The following STAB2 variants were observed in gnomAD, a reference collection of about 807,000 sequenced individuals.
The protein encoded by STAB2 is stabilin-2.
Under a neutral mutation model 338.1 loss-of-function variants are expected in STAB2, and 288 were observed. That is an observed-to-expected ratio of 0.85 (90% CI 0.77 to 0.94). The LOEUF (loss-of-function observed/expected upper bound fraction) is 0.94, where lower values mean the gene tolerates loss of function less well. Among genes scored for constraint, STAB2 ranks in the 40% least tolerant of loss-of-function variants. The pLI is 0.00. For synonymous variants in STAB2, 1,202 were observed against 1,193.3 expected, an observed-to-expected ratio of 1.01 and a Z score of -0.15; for missense variants, 3,141 against 3,210.1, an observed-to-expected ratio of 0.98 and a Z score of 0.52.
chr12:103,748,203 C>A (rs762292492), intron 58 of STAB2, among the ~76,000 whole-genome samples: 2 of 152,144 alleles, frequency 1.3e-5, no homozygotes, highest in Non-Finnish European at 2.9e-5. Context: ...CAGCATTCAA[C>A]AATGGCAACA....
intron 31 of STAB2, among the ~76,000 whole-genome samples, chr12:103,694,841 G>C (rs1340928130): frequency 6.6e-6 from 1 of 152,094 alleles, no homozygotes; most frequent in Non-Finnish European, 1.5e-5. Context: ...ATTATGCAGA[G>C]CTTGCAAACT....
chr12:103,608,678 C>G (rs527795299), intron 3 of STAB2, among the ~76,000 whole-genome samples: 2 of 152,270 alleles, frequency 1.3e-5, no homozygotes, highest in East Asian at 1.9e-4. Flanking sequence ...TGTGCAGAAG[C>G]TCTTTAGTTT....
At chr12:103,709,952 C>T (rs1293678112) in intron 39 of STAB2, among the ~76,000 whole-genome samples, 2 of 152,164 alleles carry the variant, frequency 1.3e-5, no homozygotes, top group African/African-American at 4.8e-5. Flanking sequence ...AGGAACCTCC[C>T]TACTCAGCTT....
chr12:103,688,364 C>T, intron 28 of STAB2, 149 bp downstream of exon 28: 1 of 729,762 alleles, frequency 1.4e-6, no homozygotes, highest in Admixed American at 2.3e-5. Context: ...ACTGTGGAAC[C>T]ACATGGAACA....
At chr12:103,707,084 T>C (rs1366345765) in intron 38 of STAB2, 97 bp downstream of exon 38, 3 of 1,404,238 alleles carry the variant, frequency 2.1e-6, no homozygotes, top group Non-Finnish European at 2.9e-6. Flanking sequence ...CTAGCTGGCC[T>C]GTCGCCCCAA....
At chr12:103,635,622 T>C (rs1413729272) in intron 6 of STAB2, among the ~76,000 whole-genome samples, 1 of 152,170 alleles carries the variant, frequency 6.6e-6, no homozygotes, top group Middle Eastern at 3.2e-3. Flanking sequence ...CTCAGCCCCA[T>C]GCACAGCAAG....
intron 51 of STAB2, among the ~76,000 whole-genome samples, chr12:103,734,688 G>A (rs1881964449): frequency 6.6e-6 from 1 of 152,160 alleles, no homozygotes; most frequent in African/African-American, 2.4e-5. Flanking sequence ...AGTTTCCCAG[G>A]GCTGCCATCA....
At chr12:103,670,568 T>G (rs1339175427) in intron 21 of STAB2, 128 bp from the exon 22 acceptor site, 1 of 723,790 alleles carries the variant, frequency 1.4e-6, no homozygotes, top group Admixed American at 2.3e-5. Context: ...GACTCCACTT[T>G]CCACGAGGAG....
intron 9 of STAB2, among the ~76,000 whole-genome samples, chr12:103,643,861 C>T (rs1367379769): frequency 3.4e-5 from 5 of 147,796 alleles, no homozygotes; most frequent in Non-Finnish European, 4.5e-5. Flanking sequence ...GGCCAGCCGC[C>T]CCGTCCGGGA....
At chr12:103,593,274 T>C (rs1184984829) in intron 2 of STAB2, among the ~76,000 whole-genome samples, 3 of 152,194 alleles carry the variant, frequency 2.0e-5, no homozygotes, top group Non-Finnish European at 2.9e-5. Flanking sequence ...CCAATTTACA[T>C]TCTCACCAAC....
intron 17 of STAB2, among the ~76,000 whole-genome samples, chr12:103,661,217 CAAAAAAA>C (rs10548393): frequency 1.6e-4 from 17 of 106,066 alleles, no homozygotes; most frequent in South Asian, 6.3e-4. Context: ...GAGTTCCAGA[CAAAAAAA>C]AAAAAAAAAA....
At chr12:103,619,782 C>A (rs1485533908) in intron 3 of STAB2, among the ~76,000 whole-genome samples, 1 of 150,554 alleles carries the variant, frequency 6.6e-6, no homozygotes, top group East Asian at 2.0e-4. Flanking sequence ...AACTCTCACA[C>A]CCAGCTCCCA....
intron 18 of STAB2, among the ~76,000 whole-genome samples, chr12:103,666,056 T>TA (rs1875065607): frequency 6.6e-6 from 1 of 152,214 alleles, no homozygotes; most frequent in African/African-American, 2.4e-5. Flanking sequence ...GGGGCTGCTC[T>TA]GAGCAGGCTC....
intron 25 of STAB2, among the ~76,000 whole-genome samples, chr12:103,678,565 C>T (rs7956692): frequency 0.073 from 11,051 of 152,182 alleles, 506 homozygotes; most frequent in African/African-American, 0.13. Flanking sequence ...CTCGCTCTGT[C>T]GCCCAGGCTG....
chr12:103,702,499 C>A (rs1368697392), intron 34 of STAB2, among the ~76,000 whole-genome samples: 1 of 151,764 alleles, frequency 6.6e-6, no homozygotes, highest in African/African-American at 2.4e-5. Flanking sequence ...CGGGGTTTCA[C>A]CTTGTTAGCC....
chr12:103,663,717 T>C (rs950237949), intron 18 of STAB2, among the ~76,000 whole-genome samples: 1 of 152,234 alleles, frequency 6.6e-6, no homozygotes, highest in Non-Finnish European at 1.5e-5. Flanking sequence ...CAGGGCCTCA[T>C]GTTAGCTTAA....
intron 66 of STAB2, among the ~76,000 whole-genome samples, chr12:103,762,005 G>A (rs1027442043): frequency 2.0e-5 from 3 of 152,130 alleles, no homozygotes; most frequent in Admixed American, 6.5e-5. Context: ...CCACTGACTG[G>A]CTGTGTGATA....
chr12:103,704,828 G>A, intron 36 of STAB2: 1 of 468,516 alleles, frequency 2.1e-6, no homozygotes, highest in Non-Finnish European at 3.8e-6. Context: ...GGGTTCATAT[G>A]AATCAACAGA....
At chr12:103,744,086 C>T (rs1882803317) in intron 56 of STAB2, among the ~76,000 whole-genome samples, 1 of 152,044 alleles carries the variant, frequency 6.6e-6, no homozygotes, top group South Asian at 2.1e-4. Context: ...TGGTGACTTG[C>T]ACTAGTACGG....
Sources: allele counts gnomAD v4.1 joint callset (sites outside exome capture counted in the v4.1 genomes callset), GRCh38; gene constraint gnomAD v4.1.1; transcripts MANE v1.5; gene names NCBI Gene and HGNC (gene_info 2026-07-23, HGNC 2026-07-21).